PRKAR2B: variants seen among roughly 807,000 people sequenced by gnomAD.
The protein encoded by PRKAR2B is cAMP-dependent protein kinase type II-beta regulatory subunit.
Under a neutral mutation model 49.9 loss-of-function variants are expected in PRKAR2B, and 14 were observed. That is an observed-to-expected ratio of 0.28 (90% CI 0.19 to 0.44). The LOEUF (loss-of-function observed/expected upper bound fraction) is 0.44. Ranked by LOEUF, PRKAR2B falls within the 20% of genes least tolerant of loss-of-function variation. The pLI is 1.00. For missense variants in PRKAR2B, 393 were observed against 537.9 expected, an observed-to-expected ratio of 0.73 and a Z score of 2.67; for synonymous variants, 196 against 197.7, an observed-to-expected ratio of 0.99 and a Z score of 0.07.
intron 7 of PRKAR2B, among the ~76,000 whole-genome samples, chr7:107,152,587 G>A (rs1225413564): frequency 6.6e-6 from 1 of 152,122 alleles, no homozygotes; most frequent in African/African-American, 2.4e-5. Flanking sequence ...CTATTTCACT[G>A]TCATATTTGA....
At chr7:107,087,484 G>C (rs1794643356) in intron 2 of PRKAR2B, among the ~76,000 whole-genome samples, 1 of 152,122 alleles carries the variant, frequency 6.6e-6, no homozygotes, top group South Asian at 2.1e-4. Context: ...GCTTTTCTAA[G>C]TGCTTTACAT....
chr7:107,147,478 G>T (rs767217324), intron 6 of PRKAR2B, among the ~76,000 whole-genome samples: 2 of 152,190 alleles, frequency 1.3e-5, no homozygotes, highest in Non-Finnish European at 2.9e-5. Flanking sequence ...CATATGATAG[G>T]ATGCAAATTA....
chr7:107,122,075 A>C (rs1278067513), intron 3 of PRKAR2B, 71 bp downstream of exon 3: 2 of 1,112,092 alleles, frequency 1.8e-6, no homozygotes, highest in African/African-American at 3.2e-5. Flanking sequence ...TAATCATAGA[A>C]AAGATTTAAC....
intron 4 of PRKAR2B, among the ~76,000 whole-genome samples, chr7:107,136,287 C>A (rs1795700322): frequency 6.6e-6 from 1 of 152,102 alleles, no homozygotes; most frequent in Non-Finnish European, 1.5e-5. Context: ...TTAGATGTAA[C>A]ACCAAAGGCA....
intron 2 of PRKAR2B, among the ~76,000 whole-genome samples, chr7:107,119,451 G>GT (rs1375874968): frequency 6.6e-6 from 1 of 151,890 alleles, no homozygotes; most frequent in Non-Finnish European, 1.5e-5. Context: ...GTTTTGTTTT[G>GT]TTTTTGCACT....
chr7:107,059,696 A>ATGTG (rs10692192), intron 1 of PRKAR2B, among the ~76,000 whole-genome samples: 23,818 of 149,334 alleles, frequency 0.16, 4,007 homozygotes, highest in African/African-American at 0.43. Context: ...GCTGTAGTGA[A>ATGTG]TGTGTGTGTG....
intron 6 of PRKAR2B, among the ~76,000 whole-genome samples, chr7:107,147,609 G>GGGGT (rs143010764): frequency 2.6e-4 from 39 of 152,312 alleles, no homozygotes; most frequent in Non-Finnish European, 4.7e-4. Context: ...CAGTGGTTCT[G>GGGGT]GGGTGAGGCC....
At chr7:107,150,698 TAAAAAA>T (rs58258955) in intron 6 of PRKAR2B, among the ~76,000 whole-genome samples, 1 of 140,630 alleles carries the variant, frequency 7.1e-6, no homozygotes, top group Non-Finnish European at 1.5e-5. Context: ...ATGCTTTCTT[TAAAAAA>T]AAAAAAAAAA....
chr7:107,064,754 G>A (rs528285616), intron 1 of PRKAR2B, among the ~76,000 whole-genome samples: 1 of 152,160 alleles, frequency 6.6e-6, no homozygotes, highest in Non-Finnish European at 1.5e-5. Flanking sequence ...ACAGTGATGA[G>A]TAAAGTATCT....
At chr7:107,099,504 C>T (rs892710455) in intron 2 of PRKAR2B, among the ~76,000 whole-genome samples, 17 of 152,128 alleles carry the variant, frequency 1.1e-4, no homozygotes, top group African/African-American at 3.6e-4. Context: ...TGGGCCGCAC[C>T]CACTGTCCGA....
At chr7:107,136,503 TAACA>T (rs1795704472) in intron 4 of PRKAR2B, among the ~76,000 whole-genome samples, 2 of 152,100 alleles carry the variant, frequency 1.3e-5, no homozygotes, top group South Asian at 2.1e-4. Context: ...CCAAAGATGT[TAACA>T]GACACCTCAC....
intron 7 of PRKAR2B, 44 bp downstream of exon 7, chr7:107,151,067 T>G: frequency 8.3e-7 from 1 of 1,200,186 alleles, no homozygotes. Context: ...CTTTAAAAGT[T>G]TCTGTTTTGC....
intron 3 of PRKAR2B, among the ~76,000 whole-genome samples, chr7:107,125,253 A>G (rs1267348937): frequency 6.6e-6 from 1 of 152,166 alleles, no homozygotes; most frequent in Non-Finnish European, 1.5e-5. Context: ...ACTGGATGAC[A>G]TTGGACAAGT....
chr7:107,058,116 T>G (rs1161173228), intron 1 of PRKAR2B, among the ~76,000 whole-genome samples: 2 of 152,144 alleles, frequency 1.3e-5, no homozygotes, highest in African/African-American at 4.8e-5. Context: ...ATACCATCCT[T>G]TCCCCTGAGA....
At chr7:107,144,274 G>C (rs1168139338) in intron 5 of PRKAR2B, among the ~76,000 whole-genome samples, 1 of 151,836 alleles carries the variant, frequency 6.6e-6, no homozygotes, top group African/African-American at 2.4e-5. Context: ...TTTTAGTAGA[G>C]ACGGGGTTTC....
intron 10 of PRKAR2B, 66 bp downstream of exon 10, chr7:107,157,390 G>A (rs1796113034): frequency 6.6e-7 from 1 of 1,513,788 alleles, no homozygotes; most frequent in Non-Finnish European, 8.9e-7. Context: ...ATGTATTCAT[G>A]TTGAGTGAAT....
In PRKAR2B at chr7:107,073,303, T is replaced by C. The variant is rs1242213501; in HGVS notation, c.343+2987T>C. Among the ~76,000 whole-genome samples, 3 of 149,002 alleles carry C rather than the reference T, an allele frequency of 2.0e-5. No homozygotes were observed. The South Asian group carries it at 6.2e-4, about 31-fold the overall frequency. ...ACTTTTAAGAACACTATTTGTGCTATAGTCTCTCGTCTTCCTCATGTGTTC... is the reference window on the plus strand; with the variant it reads ...ACTTTTAAGAACACTATTTGTGCTACAGTCTCTCGTCTTCCTCATGTGTTC... On this transcript the variant is annotated intron_variant, in intron 2 of 10. Coordinates refer to ENST00000265717, the MANE Select transcript of PRKAR2B (RefSeq NM_002736.3).
rs1316185783 is a variant in PRKAR2B at position 107,160,732 on chromosome 7, C to G, written c.*1150C>G. The stretch of plus-strand genomic sequence containing the variant: ...ATATAAAGACAAAATGAATTTCTGA[C>G]CTTACCATATATACCATTAGGCCTT... On this transcript the variant is annotated 3_prime_UTR_variant, in exon 11 of 11. Transcript: ENST00000265717. 6.6e-6 allele frequency: 1 copy of G among 152,062 alleles called. No homozygotes were observed. Among genetic ancestry groups the G allele is most frequent in the Non-Finnish European group, 1.5e-5 (1 of 68,004 alleles). 9.4% of individuals were successfully genotyped at this position (152,062 alleles called of 1,614,324 possible). A position where few individuals can be genotyped will look rare whatever the true frequency, so the allele number is the denominator to read the frequency against.
chr7:107,081,878 A>G (rs774880548), intron 2 of PRKAR2B: 3 of 152,222 alleles, frequency 2.0e-5, no homozygotes, highest in Non-Finnish European at 4.4e-5. Context: ...TTGACCATCA[A>G]AAAAGGTACA....
Sources: gnomAD v4.1 joint callset for allele counts (sites outside exome capture counted in the v4.1 genomes callset) on GRCh38, gnomAD v4.1.1 for gene constraint, MANE v1.5 for transcripts, NCBI Gene and HGNC (gene_info 2026-07-23, HGNC 2026-07-21) for gene names.